Variants in CPLX1 observed in about 807,000 individuals in gnomAD.
CPLX1 encodes complexin-1.
CPLX1 carries 6 observed loss-of-function variants against 15.6 expected under a neutral mutation model. That is an observed-to-expected ratio of 0.39 (90% CI 0.21 to 0.76). CPLX1 has a LOEUF of 0.76. Among genes scored for constraint, CPLX1 ranks in the 30% least tolerant of loss-of-function variants. The pLI is 0.43. For missense variants in CPLX1, 242 were observed against 188.6 expected, an observed-to-expected ratio of 1.28 and a Z score of -1.66; for synonymous variants, 91 against 75.2, an observed-to-expected ratio of 1.21 and a Z score of -1.08.
At chr4:813,548 G>A (rs916197710) in intron 2 of CPLX1, among the ~76,000 whole-genome samples, 7 of 152,134 alleles carry the variant, frequency 4.6e-5, no homozygotes, top group African/African-American at 1.7e-4. Context: ...GTGGCAATGA[G>A]ATATCAAGAA....
chr4:807,764 G>A (rs554625254), intron 2 of CPLX1, among the ~76,000 whole-genome samples: 31 of 152,212 alleles, frequency 2.0e-4, no homozygotes, highest in East Asian at 5.8e-4. Flanking sequence ...AATTACAGGC[G>A]TGAGCCACCT....
chr4:786,673 C>T lies in CPLX1; in HGVS notation c.233G>A (p.Arg78His), dbSNP rs1746001951. Reference sequence around the variant, plus strand: ...CATGGCGGCCTGGGCCTCGGCCTCGCGCTCCTCCTTCTTCTTGATGCCGTA... The same window carrying T: ...CATGGCGGCCTGGGCCTCGGCCTCGTGCTCCTCCTTCTTCTTGATGCCGTA... ...DKYGIKKKEE[R>H]EAEAQAAMEA... The change falls in exon 4 of 4, where the codon CGC becomes CAC. Residue 78 changes from arginine (R) to histidine (H), a missense_variant. Arg to His is a conservative substitution (Grantham distance 29). Transcript: ENST00000304062. The T allele has an allele frequency of 5.6e-6, 9 of 1,609,556 alleles. No individual in the cohort carries two copies. In the East Asian group the frequency reaches 1.6e-4, roughly 28 times the overall value.
rs1006850497 is a variant in CPLX1, at chr4:804,860, G to C, written c.32-12252C>G. 3 of 943,408 alleles carry C rather than the reference G, an allele frequency of 3.2e-6. No homozygotes were observed. The African/African-American group carries it at 5.3e-5, about 17-fold the overall frequency. The allele number at this position is 943,408 out of a possible 1,614,324, so 58.4% of individuals were successfully genotyped here. ...GGAGCGACGTGCTCAGCCTCCACGG[G>C]AAAGGTGGGCGGCGGCAGCCATTTT... On this transcript the variant is annotated intron_variant, in intron 2 of 3. Coordinates refer to ENST00000304062, the MANE Select transcript of CPLX1 (RefSeq NM_006651.4).
intron 2 of CPLX1, among the ~76,000 whole-genome samples, chr4:795,967 T>C (rs1342958325): frequency 6.6e-6 from 1 of 152,062 alleles, no homozygotes; most frequent in South Asian, 2.1e-4. Flanking sequence ...GCCCTGAGGC[T>C]CTTCCCGGGA....
intron 3 of CPLX1, chr4:788,368 A>T (rs1404048701): frequency 1.0e-6 from 1 of 984,680 alleles, no homozygotes; most frequent in Non-Finnish European, 1.2e-6. Flanking sequence ...CTTCAGTGAG[A>T]TGGAAAGGAG....
chr4:806,479 A>G (rs180815369), intron 2 of CPLX1, among the ~76,000 whole-genome samples: 2 of 152,370 alleles, frequency 1.3e-5, no homozygotes, highest in Admixed American at 1.3e-4. Flanking sequence ...CATTCAGGAC[A>G]TAGGCAAGGT....
At chr4:803,227 A>G (rs1163201317) in intron 2 of CPLX1, among the ~76,000 whole-genome samples, 1 of 152,256 alleles carries the variant, frequency 6.6e-6, no homozygotes, top group Non-Finnish European at 1.5e-5. Flanking sequence ...CGAGGGCATG[A>G]CACACAGCTG....
Position 787,330 on chromosome 4 carries a change from C to T in CPLX1, c.208-632G>A, listed in dbSNP as rs980876869. ...GCCAGTATGCCTGGGCCTCACCGAC[C>T]CCCTGCCCACCCGCGTTTCTCATCT... On this transcript the variant is annotated intron_variant, in intron 3 of 3. Coordinates refer to ENST00000304062, the MANE Select transcript of CPLX1 (RefSeq NM_006651.4). 4 of 985,462 alleles carry T rather than the reference C, an allele frequency of 4.1e-6. No homozygotes were observed. The African/African-American group carries it at 7.0e-5, about 17-fold the overall frequency. 61.0% of individuals were successfully genotyped at this position (985,462 alleles called of 1,614,324 possible). A position where few individuals can be genotyped will look rare whatever the true frequency, so the allele number is the denominator to read the frequency against.
At position 804,916 on chromosome 4, in the gene CPLX1, A is replaced by C. The variant is rs958165775; in HGVS notation, c.32-12308T>G. 3 of 985,374 alleles carry C rather than the reference A, an allele frequency of 3.0e-6. No homozygotes were observed. In the African/African-American group the frequency reaches 5.2e-5, roughly 17 times the overall value. 61.0% of individuals were successfully genotyped at this position (985,374 alleles called of 1,614,324 possible). On this transcript the variant is annotated intron_variant, in intron 2 of 3. Coordinates refer to ENST00000304062, the MANE Select transcript of CPLX1 (RefSeq NM_006651.4). Reference sequence around the variant, plus strand: ...GCAGGCGGCAGCCATTTTGGAACGCAGTGCGTCGCCGCGAGCACGTGCGGA... The same window carrying C: ...GCAGGCGGCAGCCATTTTGGAACGCCGTGCGTCGCCGCGAGCACGTGCGGA...
intron 2 of CPLX1, among the ~76,000 whole-genome samples, chr4:800,354 G>A (rs1746425426): frequency 1.3e-5 from 2 of 152,128 alleles, no homozygotes; most frequent in African/African-American, 2.4e-5. Context: ...AAGATCTTAG[G>A]CCGGGCGCAG....
In CPLX1 at chr4:786,667, G is replaced by T. The variant is rs765289997; in HGVS notation, c.239C>A (p.Ala80Asp). ...GGCCTCCATGGCGGCCTGGGCCTCG[G>T]CCTCGCGCTCCTCCTTCTTCTTGAT... is the stretch of plus-strand genomic sequence containing the variant. ...YGIKKKEERE[A>D]EAQAAMEANS... Residue 80 changes from alanine (A) to aspartate (D), a missense_variant, in exon 4 of 4, where the codon GCC becomes GAC. Coordinates refer to ENST00000304062, the MANE Select transcript of CPLX1 (RefSeq NM_006651.4). 3 of 1,610,786 alleles carry T rather than the reference G, an allele frequency of 1.9e-6. No individual in the cohort carries two copies. The highest frequency in any genetic ancestry group is 2.5e-6 in the Non-Finnish European group (3 of 1,178,552).
chr4:791,437 G>GCCGCACCTGCC (rs1489497367), intron 3 of CPLX1, among the ~76,000 whole-genome samples: 1 of 152,126 alleles, frequency 6.6e-6, no homozygotes, highest in Non-Finnish European at 1.5e-5. Context: ...GGCTGCATGT[G>GCCGCACCTGCC]CCGCACCTGC....
intron 3 of CPLX1, chr4:788,309 C>A (rs1008149773): frequency 1.0e-6 from 1 of 985,266 alleles, no homozygotes; most frequent in East Asian, 1.1e-4. Context: ...GGCACCTCTC[C>A]CCTCCCCTAG....
chr4:788,661 G>A (rs1473604923), intron 3 of CPLX1: 1 of 904,128 alleles, frequency 1.1e-6, no homozygotes, highest in Non-Finnish European at 1.3e-6. Flanking sequence ...AAGGGCAGCA[G>A]CTCCAGGCAC....
At chr4:815,216 G>A (rs1020306882) in intron 2 of CPLX1, among the ~76,000 whole-genome samples, 2 of 152,140 alleles carry the variant, frequency 1.3e-5, no homozygotes, top group African/African-American at 4.8e-5. Flanking sequence ...TTCAAGACTA[G>A]CCTGGCCAAC....
At chr4:822,969 G>T (rs1317692774) in intron 2 of CPLX1, among the ~76,000 whole-genome samples, 1 of 152,200 alleles carries the variant, frequency 6.6e-6, no homozygotes. Flanking sequence ...GCTCCACCAC[G>T]CTGAGCGACG....
chr4:810,584 C>T (rs951296769), intron 2 of CPLX1, among the ~76,000 whole-genome samples: 6 of 152,200 alleles, frequency 3.9e-5, no homozygotes, highest in Non-Finnish European at 7.3e-5. Context: ...GGTGTGTCCC[C>T]GTGACCAGCA....
chr4:811,570 T>C (rs1288546943), intron 2 of CPLX1, among the ~76,000 whole-genome samples: 1 of 152,264 alleles, frequency 6.6e-6, no homozygotes, highest in East Asian at 1.9e-4. Context: ...CATTTCATTG[T>C]AGTTGGAGAA....
intron 2 of CPLX1, among the ~76,000 whole-genome samples, chr4:823,564 C>T (rs750067658): frequency 6.6e-6 from 1 of 152,228 alleles, no homozygotes; most frequent in African/African-American, 2.4e-5. Context: ...GTGGTAGAAT[C>T]GGGCACCGGC....
Sources: allele counts gnomAD v4.1 joint callset (sites outside exome capture counted in the v4.1 genomes callset), GRCh38; gene constraint gnomAD v4.1.1; transcripts MANE v1.5; gene names NCBI Gene and HGNC (gene_info 2026-07-23, HGNC 2026-07-21).